RBP7: variants seen among roughly 807,000 people sequenced by gnomAD.
RBP7 encodes retinoid-binding protein 7.
Under a neutral mutation model 16.7 loss-of-function variants are expected in RBP7, and 13 were observed. The observed-to-expected ratio is 0.78, with a 90% CI of 0.51 to 1.24. The LOEUF (loss-of-function observed/expected upper bound fraction) is 1.24, where lower values mean the gene tolerates loss of function less well. Ranked by LOEUF, RBP7 falls within the 50% of genes most tolerant of loss-of-function variation. The probability of loss-of-function intolerance (pLI) is 0.00; values close to 1 mark genes in which losing one functional copy is unlikely to be tolerated. For synonymous variants in RBP7, 54 were observed against 56.2 expected (o/e 0.96, Z 0.17); for missense variants, 145 against 159.5 (o/e 0.91, Z 0.49).
intron 3 of RBP7, among the ~76,000 whole-genome samples, chr1:10,013,702 C>G (rs1642693257): frequency 6.6e-6 from 1 of 151,914 alleles, no homozygotes. Context: ...CCCAGCTACT[C>G]AGGAGGCTGA....
At chr1:10,002,388 TG>T (rs1373257115) in intron 1 of RBP7, among the ~76,000 whole-genome samples, 3 of 152,086 alleles carry the variant, frequency 2.0e-5, no homozygotes, top group Admixed American at 6.6e-5. Context: ...TGGCTTGACC[TG>T]GGTAACAGCC....
At chr1:10,008,138 A>G in intron 2 of RBP7, 35 bp from the exon 3 acceptor site, 1 of 1,372,890 alleles carries the variant, frequency 7.3e-7, no homozygotes, top group Non-Finnish European at 1.0e-6. Context: ...GGATCCTGCC[A>G]GGACAAGCTA....
chr1:10,002,940 G>A (rs1241006418), intron 1 of RBP7, among the ~76,000 whole-genome samples: 1 of 152,172 alleles, frequency 6.6e-6, no homozygotes, highest in East Asian at 1.9e-4. Context: ...CAGAAGCGGG[G>A]CTTGGGACAG....
At chr1:10,008,123 C>A in intron 2 of RBP7, 50 bp from the exon 3 acceptor site, 1 of 1,230,232 alleles carries the variant, frequency 8.1e-7, no homozygotes, top group African/African-American at 1.5e-5. Flanking sequence ...CTTCGTAACA[C>A]TTGAGGATCC....
chr1:10,011,923 C>T lies in RBP7; in HGVS notation c.354+3649C>T, dbSNP rs190613367. 2.1e-4 allele frequency among the ~76,000 whole-genome samples: 32 copies of T among 151,762 alleles called. No individual in the cohort carries two copies. In the East Asian group the frequency reaches 3.7e-3, roughly 17 times the overall value. On this transcript the variant is annotated intron_variant, in intron 3 of 3. Transcript: ENST00000294435. ...AATACAAAAATTAGCTGGGCGGAGC[C>T]GGGCGCAGTGGCTCATGCCTGTAAT... is the stretch of plus-strand genomic sequence containing the variant.
intron 3 of RBP7, among the ~76,000 whole-genome samples, chr1:10,010,583 A>ATTT (rs144226167): frequency 4.5e-5 from 6 of 132,436 alleles, no homozygotes; most frequent in Admixed American, 7.7e-5. Context: ...TGCCCAGCTA[A>ATTT]TTTTTTTTTT....
At chr1:10,008,351 C>G (rs886265110) in intron 3 of RBP7, 77 bp downstream of exon 3, 1 of 917,496 alleles carries the variant, frequency 1.1e-6, no homozygotes, top group African/African-American at 1.6e-5. Context: ...TGGCTCACAC[C>G]TGTAATCCCA....
chr1:10,012,307 G>A (rs1642645980), intron 3 of RBP7, among the ~76,000 whole-genome samples: 1 of 151,796 alleles, frequency 6.6e-6, no homozygotes, highest in African/African-American at 2.4e-5. Context: ...CTTGAACCCG[G>A]GAGGCAGAGG....
chr1:10,009,872 CTTTCTT>C (rs1343588742), intron 3 of RBP7, among the ~76,000 whole-genome samples: 3 of 152,038 alleles, frequency 2.0e-5, no homozygotes, highest in East Asian at 1.9e-4. Context: ...TTTTCTTTTC[CTTTCTT>C]TTTCTTTTTC....
intron 1 of RBP7, chr1:10,006,998 G>T: frequency 2.4e-6 from 1 of 415,750 alleles, no homozygotes; most frequent in Non-Finnish European, 4.7e-6. Flanking sequence ...TCAGGCTGGA[G>T]TGCAGTGGTG....
chr1:10,009,049 A>G (rs1642532294), intron 3 of RBP7, among the ~76,000 whole-genome samples: 1 of 152,108 alleles, frequency 6.6e-6, no homozygotes, highest in Non-Finnish European at 1.5e-5. Context: ...CATTTTTCCC[A>G]TTCACAAATA....
At chr1:10,009,970 C>T (rs1351764549) in intron 3 of RBP7, among the ~76,000 whole-genome samples, 8 of 151,948 alleles carry the variant, frequency 5.3e-5, no homozygotes, top group Non-Finnish European at 1.2e-4. Flanking sequence ...CCAAAAAATG[C>T]ACCTGTTTTA....
At chr1:10,002,287 C>CACA (rs1168927946) in intron 1 of RBP7, among the ~76,000 whole-genome samples, 1 of 152,044 alleles carries the variant, frequency 6.6e-6, no homozygotes, top group African/African-American at 2.4e-5. Flanking sequence ...TGTATATGCT[C>CACA]ACACATTTGT....
intron 3 of RBP7, among the ~76,000 whole-genome samples, chr1:10,015,435 T>G (rs1363972183): frequency 2.4e-5 from 3 of 126,596 alleles, no homozygotes; most frequent in African/African-American, 3.4e-5. Flanking sequence ...GGCTACAGAG[T>G]GAGACTCCAT....
At chr1:10,003,642 C>T (rs1304819941) in intron 1 of RBP7, among the ~76,000 whole-genome samples, 1 of 152,182 alleles carries the variant, frequency 6.6e-6, no homozygotes, top group Non-Finnish European at 1.5e-5. Context: ...TGAATTCTTT[C>T]CTGGGCAAAG....
intron 3 of RBP7, 86 bp downstream of exon 3, chr1:10,008,360 C>T: frequency 1.2e-6 from 1 of 852,194 alleles, no homozygotes; most frequent in Non-Finnish European, 1.9e-6. Context: ...CCTGTAATCC[C>T]AGCATTTTAG....
chr1:10,008,443 AT>A (rs375450283), intron 3 of RBP7, among the ~76,000 whole-genome samples, 169 bp downstream of exon 3: 229 of 134,320 alleles, frequency 1.7e-3, no homozygotes, highest in Middle Eastern at 8.0e-3. Context: ...CATCTCTACT[AT>A]TTTTTTTTTT....
rs1052548328 is a variant in RBP7 at position 9,997,641 on chromosome 1, G to C, written c.73+310G>C. 6.8e-6 allele frequency among the ~76,000 whole-genome samples: 1 copy of C among 147,682 alleles called. No individual in the cohort carries two copies. The highest frequency in any genetic ancestry group is 2.5e-5 in the African/African-American group (1 of 40,490). ...CCCACCCGTCCGTCCCTGAGTGCCC[G>C]CGTCCAGCCCCACGTCCGTCTCTAC... On this transcript the variant is annotated intron_variant, in intron 1 of 3. Coordinates refer to ENST00000294435, the MANE Select transcript of RBP7 (RefSeq NM_052960.3). The surrounding 1 kb of genome is among the most constrained non-coding windows in gnomAD (Gnocchi z 5.9).
Position 10,007,577 on chromosome 1 carries a change from C to A in RBP7, c.81C>A (p.Asp27Glu). The change falls in exon 2 of 4, where the codon GAC becomes GAA. Residue 27 changes from aspartate to glutamate, a missense_variant. Physicochemically the swap from Asp to Glu is conservative, Grantham distance 45 (BLOSUM62 2). Coordinates refer to ENST00000294435, the MANE Select transcript of RBP7 (RefSeq NM_052960.3). ...FEGYMLALGIDFATRKIAKLL... is the reference protein window; with the variant it reads ...FEGYMLALGIEFATRKIAKLL... ...TTAAAAATTATTTTTAAGGTATTGA[C>A]TTTGCCACTCGTAAAATAGCCAAGT... The A allele has an allele frequency of 6.2e-7, 1 of 1,604,432 alleles. No homozygotes were observed. The highest frequency in any genetic ancestry group is 8.5e-7 in the Non-Finnish European group (1 of 1,176,124).
Sources: allele counts gnomAD v4.1 joint callset (sites outside exome capture counted in the v4.1 genomes callset), GRCh38; gene constraint gnomAD v4.1.1; non-coding constraint Gnocchi (gnomAD v3.1); transcripts MANE v1.5; gene names NCBI Gene and HGNC (gene_info 2026-07-23, HGNC 2026-07-21).